The following PDILT variants were observed in gnomAD, a reference collection of about 807,000 sequenced individuals.
PDILT encodes the protein protein disulfide-isomerase-like protein of the testis.
In PDILT, 43 loss-of-function variants were observed where a neutral mutation model predicts 53.7. That is an observed-to-expected ratio of 0.80 (90% CI 0.63 to 1.03). The LOEUF (loss-of-function observed/expected upper bound fraction) is 1.03, where lower values mean the gene tolerates loss of function less well. Among genes scored for constraint, PDILT ranks in the 50% least tolerant of loss-of-function variants. The probability of loss-of-function intolerance (pLI) is 0.00; values close to 1 mark genes in which losing one functional copy is unlikely to be tolerated. For missense variants in PDILT, 727 were observed against 712.3 expected, an observed-to-expected ratio of 1.02 and a Z score of -0.24; for synonymous variants, 282 against 274.2, an observed-to-expected ratio of 1.03 and a Z score of -0.28.
chr16:20,391,291 A>G (rs760887747), intron 2 of PDILT: 17 of 163,420 alleles, frequency 1.0e-4, no homozygotes, highest in Admixed American at 1.2e-4. Context: ...CATTAGCACC[A>G]TCATCGCCAT....
intron 1 of PDILT, among the ~76,000 whole-genome samples, chr16:20,400,133 C>T (rs1966718302): frequency 6.6e-6 from 1 of 151,450 alleles, no homozygotes; most frequent in Non-Finnish European, 1.5e-5. Flanking sequence ...ACGGTCTCAC[C>T]TCACTGCGAC....
At chr16:20,370,928 A>T (rs968771633) in intron 7 of PDILT, among the ~76,000 whole-genome samples, 3 of 152,244 alleles carry the variant, frequency 2.0e-5, no homozygotes, top group African/African-American at 7.2e-5. Flanking sequence ...AGCATGAATA[A>T]TCCACTCCTT....
chr16:20,393,248 C>A (rs1377428601), intron 2 of PDILT, among the ~76,000 whole-genome samples: 1 of 152,160 alleles, frequency 6.6e-6, no homozygotes, highest in Non-Finnish European at 1.5e-5. Context: ...CTGGAGGAGT[C>A]TTTCAGCAAA....
chr16:20,376,083 G>A lies in PDILT; in HGVS notation c.528C>T (p.Ile176=), dbSNP rs186692475. Residue 176 remains isoleucine, a synonymous_variant, in exon 4 of 12, where the codon ATC becomes ATT. Coordinates refer to ENST00000302451, the MANE Select transcript of PDILT (RefSeq NM_174924.2). ...AEFVISRPLV[I]VGFFQDLEEE... is the part of the protein sequence containing the mutation. Reference sequence around the variant, plus strand: ...GTCCCAGTACCTGGAAGAAGCCAACGATGACCAAGGGCCTGGATATCACAA... The same window carrying A: ...GTCCCAGTACCTGGAAGAAGCCAACAATGACCAAGGGCCTGGATATCACAA... 70 of 1,614,048 alleles carry A rather than the reference G, an allele frequency of 4.3e-5. No individual in the cohort carries two copies. Among genetic ancestry groups the A allele is most frequent in the African/African-American group, 2.5e-4 (19 of 75,010 alleles).
intron 7 of PDILT, among the ~76,000 whole-genome samples, chr16:20,371,029 T>C (rs1966299339): frequency 6.6e-6 from 1 of 152,264 alleles, no homozygotes; most frequent in South Asian, 2.1e-4. Flanking sequence ...CTTTTATTCC[T>C]GTACTTTCCT....
intron 2 of PDILT, among the ~76,000 whole-genome samples, chr16:20,397,425 G>A (rs1316409306): frequency 6.6e-6 from 1 of 152,172 alleles, no homozygotes; most frequent in African/African-American, 2.4e-5. Flanking sequence ...TTACAGGCAT[G>A]AGCTACCATG....
chr16:20,392,709 T>A (rs575782299), intron 2 of PDILT, among the ~76,000 whole-genome samples: 10 of 152,320 alleles, frequency 6.6e-5, no homozygotes, highest in African/African-American at 2.2e-4. Context: ...TGTTGTTGAG[T>A]TCACTGCTTT....
chr16:20,370,296 A>C (rs1966285099), intron 7 of PDILT, among the ~76,000 whole-genome samples: 1 of 152,168 alleles, frequency 6.6e-6, no homozygotes, highest in Admixed American at 6.5e-5. Context: ...ACAGGCAACA[A>C]ATGAGTGAAT....
Position 20,373,087 on chromosome 16 carries a change from G to C in PDILT, c.717C>G (p.Asp239Glu). Residue 239 changes from aspartate to glutamate, a missense_variant, in exon 6 of 12, where the codon GAC (aspartate) becomes GAG (glutamate). By Grantham distance (45) the Asp-to-Glu change is conservative. Transcript: ENST00000302451. ...GATTGAGTTCCTGTTTGTTGGTACT[G>C]TCATTAATAAGCTTTTGGCGGTTCA... is the stretch of plus-strand genomic sequence containing the variant. ...KIVNRQKLIN[D>E]STNKQELNRV... The C allele has an allele frequency of 6.2e-7, 1 of 1,614,142 alleles. No individual in the cohort carries two copies. Among genetic ancestry groups the C allele is most frequent in the Non-Finnish European group, 8.5e-7 (1 of 1,179,988 alleles).
chr16:20,373,942 T>G (rs1966345658), intron 5 of PDILT, among the ~76,000 whole-genome samples: 1 of 152,134 alleles, frequency 6.6e-6, no homozygotes, highest in Non-Finnish European at 1.5e-5. Flanking sequence ...TCTTTATTAT[T>G]CTTTTTATTT....
At chr16:20,403,779 C>T (rs1034119312) in intron 1 of PDILT, among the ~76,000 whole-genome samples, 112 of 151,960 alleles carry the variant, frequency 7.4e-4, no homozygotes, top group African/African-American at 2.6e-3. Context: ...TTATCGCCCT[C>T]CTCTCTCTCT....
chr16:20,402,583 GC>G (rs1251514074), intron 1 of PDILT, among the ~76,000 whole-genome samples: 1 of 152,230 alleles, frequency 6.6e-6, no homozygotes, highest in East Asian at 1.9e-4. Context: ...ACAGGCATGA[GC>G]CACTGTGCCT....
At chr16:20,366,090 CA>C (rs34816350) in intron 8 of PDILT, among the ~76,000 whole-genome samples, 18,233 of 72,318 alleles carry the variant, frequency 0.25, 1,097 homozygotes, top group African/African-American at 0.37. Context: ...ATTTCGTCTC[CA>C]AAAAAAAAAA....
Position 20,362,555 on chromosome 16 carries a change from A to T in PDILT, c.1265T>A (p.Met422Lys), listed in dbSNP as rs367692063. 1.6e-4 allele frequency: 266 copies of T among 1,614,154 alleles called. No homozygotes were observed. The highest frequency in any genetic ancestry group is 2.1e-4 in the Non-Finnish European group (250 of 1,180,018). The part of the protein sequence containing the change: ...FYAPWSKKCK[M>K]LFPLLEELGR... ...CAATTCCTCCAACAGTGGGAACAGCATCTTGCACTTTTTAGACCAGGGTGC... is the reference window on the plus strand; with the variant it reads ...CAATTCCTCCAACAGTGGGAACAGCTTCTTGCACTTTTTAGACCAGGGTGC... The change falls in exon 10 of 12, where the codon ATG becomes AAG. Residue 422 changes from methionine to lysine, a missense_variant. Physicochemically the swap from Met to Lys is moderately conservative, Grantham distance 95. Coordinates refer to ENST00000302451, the MANE Select transcript of PDILT (RefSeq NM_174924.2).
At chr16:20,366,967 CCTTCCTTCCTTCCTTCCTTCCTTT>C (rs1567320293) in intron 8 of PDILT, among the ~76,000 whole-genome samples, 3 of 70,440 alleles carry the variant, frequency 4.3e-5, no homozygotes, top group African/African-American at 3.5e-5. Flanking sequence ...TTCCTTCCTT[CCTTCCTTCCTTCCTTCCTTCCTTT>C]CTTTCTTTCT....
intron 3 of PDILT, among the ~76,000 whole-genome samples, chr16:20,376,713 A>T (rs1966393898): frequency 6.6e-6 from 1 of 152,200 alleles, no homozygotes; most frequent in South Asian, 2.1e-4. Flanking sequence ...TGCAGCCCCC[A>T]TTCCTCAGCT....
At chr16:20,365,331 A>G (rs1452160174) in intron 9 of PDILT, 89 bp downstream of exon 9, 10 of 1,475,826 alleles carry the variant, frequency 6.8e-6, no homozygotes, top group East Asian at 2.3e-5. Context: ...GATGGGTTTT[A>G]GAGATTTCAG....
chr16:20,374,851 T>A lies in PDILT; in HGVS notation c.652A>T (p.Thr218Ser), dbSNP rs756881972. Residue 218 changes from threonine to serine, a missense_variant, in exon 5 of 12, where the codon ACC becomes TCC. Physicochemically the swap from Thr to Ser is moderately conservative, Grantham distance 58. Coordinates refer to ENST00000302451, the MANE Select transcript of PDILT (RefSeq NM_174924.2). Reference sequence around the variant, plus strand: ...TTGAACACCAGGACGCTGTCAAGGGTGACGTGGAAACGCCCAATGACATTG... The same window carrying A: ...TTGAACACCAGGACGCTGTCAAGGGAGACGTGGAAACGCCCAATGACATTG... ...IGNVIGRFHV[T>S]LDSVLVFKKG... 2.5e-6 allele frequency: 4 copies of A among 1,613,968 alleles called. No homozygotes were observed. Among genetic ancestry groups the A allele is most frequent in the Non-Finnish European group, 3.4e-6 (4 of 1,179,918 alleles).
chr16:20,361,572 G>A lies in PDILT; in HGVS notation c.1416+832C>T, dbSNP rs1384929405. ...CAGATAATTTGAGATTACTACCTTA[G>A]CCTCATCCTCTCAGCCCAGCCTCAG... On this transcript the variant is annotated intron_variant, in intron 10 of 11. Coordinates refer to ENST00000302451, the MANE Select transcript of PDILT (RefSeq NM_174924.2). Among the ~76,000 whole-genome samples, 3 of 152,104 alleles carry A rather than the reference G, an allele frequency of 2.0e-5. No individual in the cohort carries two copies. In the East Asian group the frequency reaches 5.8e-4, roughly 29 times the overall value.
Sources: gnomAD v4.1 joint callset for allele counts (sites outside exome capture counted in the v4.1 genomes callset) on GRCh38, gnomAD v4.1.1 for gene constraint, MANE v1.5 for transcripts, NCBI Gene and HGNC (gene_info 2026-07-23, HGNC 2026-07-21) for gene names.